The following C11orf65 variants were observed in gnomAD, a reference collection of about 807,000 sequenced individuals.
C11orf65 encodes chromosome 11 open reading frame 65, also known as protein MFI.
C11orf65 carries 38 observed loss-of-function variants against 35.3 expected under a neutral mutation model. The ratio of observed to expected loss-of-function variants is 1.08; its 90% confidence interval spans 0.83 to 1.41. C11orf65 has a LOEUF of 1.41. C11orf65 is among the 40% of genes most tolerant of loss of function. C11orf65 has a pLI of 0.00. For synonymous variants in C11orf65, 105 were observed against 114.4 expected (o/e 0.92, Z 0.53); for missense variants, 370 against 367.1 (o/e 1.01, Z -0.06).
intron 2 of C11orf65, chr11:108,355,076 G>GT: frequency 1.7e-6 from 1 of 580,170 alleles, no homozygotes; most frequent in South Asian, 2.1e-5. Context: ...GCCCCCTTGA[G>GT]TTTCTTGGAA....
downstream of C11orf65, among the ~76,000 whole-genome samples, chr11:108,382,500 G>A (rs2091885797): frequency 6.6e-6 from 1 of 152,042 alleles, no homozygotes. Flanking sequence ...ACATAAAATA[G>A]GCAGTAACTA....
intron 2 of C11orf65, among the ~76,000 whole-genome samples, chr11:108,439,993 G>C (rs1353848772): frequency 6.6e-6 from 1 of 152,142 alleles, no homozygotes; most frequent in Admixed American, 6.5e-5. Context: ...CAATAAAAAA[G>C]TGAACACTGG....
chr11:108,325,152 A>T (rs1471870098), intron 6 of C11orf65, among the ~76,000 whole-genome samples: 5 of 151,680 alleles, frequency 3.3e-5, no homozygotes, highest in Non-Finnish European at 7.4e-5. Context: ...CTAAATTTTG[A>T]TCCATATGTA....
chr11:108,339,158 GA>G (rs1223627868), intron 2 of C11orf65, among the ~76,000 whole-genome samples: 5 of 152,162 alleles, frequency 3.3e-5, no homozygotes, highest in African/African-American at 1.2e-4. Flanking sequence ...ACATTAACCA[GA>G]ATTAGGGTGG....
At chr11:108,357,262 G>C (rs185732604) in intron 2 of C11orf65, among the ~76,000 whole-genome samples, 37 of 152,370 alleles carry the variant, frequency 2.4e-4, no homozygotes, top group African/African-American at 8.4e-4. Context: ...CGCACCACGA[G>C]ATTATATCCC....
chr11:108,408,680 A>AC lies in C11orf65; in HGVS notation c.175-1532_175-1531insG, dbSNP rs1417558921. ...AACAGAGACTCTGTCTCAATAAATA[A>AC]AATAAAATAAAATAAAATAAAATAA... On this transcript the variant is annotated intron_variant, in intron 3 of 8. Transcript: ENST00000393084. Among the ~76,000 whole-genome samples, 285 of 61,284 alleles carry AC rather than the reference A, an allele frequency of 4.7e-3. 7 individuals carry two copies. The highest frequency in any genetic ancestry group is 0.017 in the African/African-American group (247 of 14,192). The allele number at this position is 61,284 out of a possible 152,430, so 40.2% of individuals were successfully genotyped here. A position where few individuals can be genotyped will look rare whatever the true frequency, so the allele number is the denominator to read the frequency against.
At chr11:108,413,247 A>T (rs185117446) in intron 3 of C11orf65, among the ~76,000 whole-genome samples, 1 of 152,244 alleles carries the variant, frequency 6.6e-6, no homozygotes, top group African/African-American at 2.4e-5. Flanking sequence ...CATGCATAGA[A>T]TGCAGAGTGG....
chr11:108,400,872 C>T (rs1166347298), intron 6 of C11orf65, among the ~76,000 whole-genome samples: 4 of 151,976 alleles, frequency 2.6e-5, no homozygotes, highest in Non-Finnish European at 2.9e-5. Context: ...TTTGGGAGGC[C>T]GAGGCAGGCA....
chr11:108,425,953 C>T (rs7952492), intron 3 of C11orf65, among the ~76,000 whole-genome samples: 65,449 of 152,008 alleles, frequency 0.43, 14,373 homozygotes, highest in Middle Eastern at 0.66. Context: ...AACACCGCTT[C>T]GTGCTAAAAA....
At chr11:108,336,868 T>C (rs896080384) in intron 2 of C11orf65, among the ~76,000 whole-genome samples, 7 of 152,058 alleles carry the variant, frequency 4.6e-5, no homozygotes, top group African/African-American at 1.7e-4. Context: ...TTAACCAGTT[T>C]AGAAATAACA....
intron 7 of C11orf65, among the ~76,000 whole-genome samples, chr11:108,387,882 T>C (rs184471): frequency 1 from 151,611 of 152,334 alleles, 75,453 homozygotes; most frequent in Middle Eastern, 1. Context: ...GGCTCCTTCT[T>C]ACTACTGCTA....
At chr11:108,418,633 T>G (rs547626578) in intron 3 of C11orf65, among the ~76,000 whole-genome samples, 1 of 151,602 alleles carries the variant, frequency 6.6e-6, no homozygotes, top group Admixed American at 6.6e-5. Flanking sequence ...AAAGAAAATA[T>G]AAAGAAGGAA....
At chr11:108,373,979 A>G (rs1023832989) in intron 2 of C11orf65, among the ~76,000 whole-genome samples, 3 of 152,080 alleles carry the variant, frequency 2.0e-5, no homozygotes, top group Non-Finnish European at 4.4e-5. Flanking sequence ...GCGGAGGGGC[A>G]CCCGCCATTG....
At chr11:108,379,562 C>T (rs2091818850), downstream of C11orf65, among the ~76,000 whole-genome samples, 1 of 151,496 alleles carries the variant, frequency 6.6e-6, no homozygotes. Context: ...ACCAGCATGG[C>T]ACATGTATAC....
At chr11:108,452,050 C>T (rs536012678) in intron 2 of C11orf65, among the ~76,000 whole-genome samples, 1 of 152,108 alleles carries the variant, frequency 6.6e-6, no homozygotes, top group Admixed American at 6.6e-5. Flanking sequence ...ACCATAAAAA[C>T]CCTAGAAGAA....
At chr11:108,412,443 C>A (rs933001584) in intron 3 of C11orf65, among the ~76,000 whole-genome samples, 2 of 152,088 alleles carry the variant, frequency 1.3e-5, no homozygotes, top group African/African-American at 4.8e-5. Context: ...ACTGTCAGAG[C>A]GGATAAAAAA....
intron 1 of C11orf65, among the ~76,000 whole-genome samples, chr11:108,463,486 T>C (rs2093496770): frequency 1.3e-5 from 2 of 152,200 alleles, no homozygotes; most frequent in South Asian, 4.1e-4. Flanking sequence ...TCCCTACAAA[T>C]AGCCTTATTA....
intron 2 of C11orf65, among the ~76,000 whole-genome samples, chr11:108,339,976 G>C (rs564046867): frequency 6.6e-6 from 1 of 152,048 alleles, no homozygotes; most frequent in Non-Finnish European, 1.5e-5. Flanking sequence ...ACCTACGTTG[G>C]GTTAGATACT....
chr11:108,466,238 A>C (rs1404143753), intron 1 of C11orf65, among the ~76,000 whole-genome samples: 8 of 152,128 alleles, frequency 5.3e-5, no homozygotes, highest in Non-Finnish European at 1.2e-4. Context: ...CTCCAGATAA[A>C]ATAACCATTG....
Sources: allele counts gnomAD v4.1 joint callset (sites outside exome capture counted in the v4.1 genomes callset), GRCh38; gene constraint gnomAD v4.1.1; transcripts MANE v1.5; gene names NCBI Gene and HGNC (gene_info 2026-07-23, HGNC 2026-07-21).